The following HMGB2 variants were observed in gnomAD, a reference collection of about 807,000 sequenced individuals.
HMGB2 encodes high mobility group protein B2.
Under a neutral mutation model 23.0 loss-of-function variants are expected in HMGB2, and 2 were observed. The observed-to-expected ratio is 0.09, with a 90% CI of 0.04 to 0.27. HMGB2 has a LOEUF of 0.27. Ranked by LOEUF, HMGB2 falls within the 10% of genes least tolerant of loss-of-function variation. HMGB2 has a pLI of 1.00. For synonymous variants in HMGB2, 99 were observed against 87.5 expected, an observed-to-expected ratio of 1.13 and a Z score of -0.73; for missense variants, 178 against 256.5, an observed-to-expected ratio of 0.69 and a Z score of 2.09.
chr4:173,332,280 T>C, intron 4 of HMGB2, 42 bp from the exon 5 acceptor site: 1 of 1,463,132 alleles, frequency 6.8e-7, no homozygotes, highest in South Asian at 1.3e-5. Flanking sequence ...GTATCATTAC[T>C]CAACTGTGAA....
In HMGB2 at chr4:173,333,428, C is replaced by A. The variant is rs1049233832; in HGVS notation, c.150+72G>T. The A allele has an allele frequency of 6.5e-7, 1 of 1,542,688 alleles. No individual in the cohort carries two copies. Among genetic ancestry groups the A allele is most frequent in the Non-Finnish European group, 8.8e-7 (1 of 1,138,716 alleles). On this transcript the variant is annotated intron_variant, in intron 2 of 4. Transcript: ENST00000296503. This position sits in a 1 kb window ranked among gnomAD's most constrained non-coding sequence, Gnocchi z 4.6. ...AAAGTTGAAGCTCATGAGTTGCCTA[C>A]TACCTGCCTAAGGCCCTCCTAGCCG...
Position 173,333,850 on chromosome 4 carries a change from C to T in HMGB2, c.-20-181G>A, listed in dbSNP as rs1419383465. ...GCCCGCGCCCCCGCCCGCGCCCCGGCGCACACCCTCCTCCTCCTCCTCCTC... is the reference window on the plus strand; with the variant it reads ...GCCCGCGCCCCCGCCCGCGCCCCGGTGCACACCCTCCTCCTCCTCCTCCTC... On this transcript the variant is annotated intron_variant, in intron 1 of 4. Transcript: ENST00000296503. This position sits in a 1 kb window ranked among gnomAD's most constrained non-coding sequence, Gnocchi z 4.6. 2.6e-5 allele frequency among the ~76,000 whole-genome samples: 4 copies of T among 151,234 alleles called. No individual in the cohort carries two copies. Among genetic ancestry groups the T allele is most frequent in the African/African-American group, 9.7e-5 (4 of 41,096 alleles).
At position 173,332,991 on chromosome 4, in the gene HMGB2, C is replaced by T. The variant is rs745590156; in HGVS notation, c.301G>A (p.Ala101Thr). The T allele has an allele frequency of 6.2e-7, 1 of 1,613,960 alleles. No individual in the cohort carries two copies. The highest frequency in any genetic ancestry group is 8.5e-7 in the Non-Finnish European group (1 of 1,179,890). The change falls in exon 4 of 5, where the codon GCC (alanine) becomes ACC (threonine). Residue 101 changes from alanine (A) to threonine (T), a missense_variant. Ala to Thr is a moderately conservative substitution (Grantham distance 58). This residue lies in a region of HMGB2 where 43 missense variants were observed against 103.3 expected (regional missense o/e 0.42). Transcript: ENST00000296503. Reference protein sequence around the residue: ...DPNAPKRPPSAFFLFCSEHRP... With the variant: ...DPNAPKRPPSTFFLFCSEHRP... The stretch of plus-strand genomic sequence containing the variant: ...TGTTCAGAGCAAAACAGGAAGAAGG[C>T]AGATCTGAAAGGAAGCAACAGAGTT...
rs1478898730 is a variant in HMGB2 at position 173,333,724 on chromosome 4, G to A, written c.-20-55C>T. The A allele has an allele frequency of 2.2e-6, 3 of 1,388,810 alleles. No homozygotes were observed. Among genetic ancestry groups the A allele is most frequent in the South Asian group, 2.8e-5 (2 of 71,780 alleles). The allele number at this position is 1,388,810 out of a possible 1,614,324, so 86.0% of individuals were successfully genotyped here. On this transcript the variant is annotated intron_variant, in intron 1 of 4. Transcript: ENST00000296503. The surrounding 1 kb of genome is among the most constrained non-coding windows in gnomAD (Gnocchi z 4.6). The stretch of plus-strand genomic sequence containing the variant: ...CCGGAGGGTCGGCGCGGAGCCCGCA[G>A]CTGCCAGGGCGGGCGCTGGCGGGGC...
chr4:173,333,708 C>A lies in HMGB2; in HGVS notation c.-20-39G>T. On this transcript the variant is annotated intron_variant, in intron 1 of 4. Coordinates refer to ENST00000296503, the MANE Select transcript of HMGB2 (RefSeq NM_002129.4). This position sits in a 1 kb window ranked among gnomAD's most constrained non-coding sequence, Gnocchi z 4.6. The stretch of plus-strand genomic sequence containing the variant: ...GGGGGGAGAGGGGAAGCCGGAGGGT[C>A]GGCGCGGAGCCCGCAGCTGCCAGGG... The A allele has an allele frequency of 2.7e-6, 4 of 1,489,810 alleles. No individual in the cohort carries two copies. The highest frequency in any genetic ancestry group is 3.6e-6 in the Non-Finnish European group (4 of 1,105,508). The allele number at this position is 1,489,810 out of a possible 1,614,324, so 92.3% of individuals were successfully genotyped here. A position where few individuals can be genotyped will look rare whatever the true frequency, so the allele number is the denominator to read the frequency against.
chr4:173,333,200 C>A lies in HMGB2; in HGVS notation c.165G>T (p.Lys55Asn), dbSNP rs746152296. The stretch of plus-strand genomic sequence containing the variant: ...CCATATCTTCAAACTTCGACTTCTC[C>A]TTTGCAGACATGGTCTGTGGACATA... ...CSERWKTMSAKEKSKFEDMAK... is the reference protein window; with the variant it reads ...CSERWKTMSANEKSKFEDMAK... The change falls in exon 3 of 5, where the codon AAG (lysine) becomes AAT (asparagine). Residue 55 changes from lysine to asparagine, a missense_variant. Coordinates refer to ENST00000296503, the MANE Select transcript of HMGB2 (RefSeq NM_002129.4). The surrounding 1 kb of genome is among the most constrained non-coding windows in gnomAD (Gnocchi z 4.6). 4 of 1,613,684 alleles carry A rather than the reference C, an allele frequency of 2.5e-6. No individual in the cohort carries two copies. The African/African-American group carries it at 4.0e-5, about 16-fold the overall frequency.
chr4:173,333,781 GC>G lies in HMGB2; in HGVS notation c.-20-113del, dbSNP rs1411797920. On this transcript the variant is annotated intron_variant, in intron 1 of 4. Transcript: ENST00000296503. The surrounding 1 kb of genome is among the most constrained non-coding windows in gnomAD (Gnocchi z 4.6). ...TCCCGCCCAAATCCGCTCCCGCCCT[GC>G]CCGCGCCCCCCTCCTCCCGAGGGCG... 1 of 757,712 alleles carries G rather than the reference GC, an allele frequency of 1.3e-6. No homozygotes were observed. The highest frequency in any genetic ancestry group is 1.9e-5 in the African/African-American group (1 of 53,604). 46.9% of individuals were successfully genotyped at this position (757,712 alleles called of 1,614,324 possible). A position where few individuals can be genotyped will look rare whatever the true frequency, so the allele number is the denominator to read the frequency against.
chr4:173,332,757 G>T, intron 4 of HMGB2, 64 bp downstream of exon 4: 1 of 1,407,950 alleles, frequency 7.1e-7, no homozygotes, highest in Non-Finnish European at 9.8e-7. Context: ...AAATTTCCCA[G>T]GTTTTCTACA....
rs1553961364 is a variant in HMGB2, at chr4:173,331,393, T to TATAC, written c.*686_*687insGTAT. 7.0e-6 allele frequency among the ~76,000 whole-genome samples: 1 copy of TATAC among 142,102 alleles called. No individual in the cohort carries two copies. The highest frequency in any genetic ancestry group is 1.5e-5 in the Non-Finnish European group (1 of 66,830). The allele number at this position is 142,102 out of a possible 152,430, so 93.2% of individuals were successfully genotyped here. A position where few individuals can be genotyped will look rare whatever the true frequency, so the allele number is the denominator to read the frequency against. On this transcript the variant is annotated 3_prime_UTR_variant, in exon 5 of 5. Coordinates refer to ENST00000296503, the MANE Select transcript of HMGB2 (RefSeq NM_002129.4). ...ATATATACATATATATATATATATA[T>TATAC]ATGTATATATATATACACACACCTG...
Position 173,333,191 on chromosome 4 carries a change from C to T in HMGB2, c.174G>A (p.Ser58=). The T allele has an allele frequency of 1.2e-6, 2 of 1,613,942 alleles. No individual in the cohort carries two copies. Among genetic ancestry groups the T allele is most frequent in the East Asian group, 2.2e-5 (1 of 44,878 alleles). Reference sequence around the variant, plus strand: ...CACTTTTTGCCATATCTTCAAACTTCGACTTCTCCTTTGCAGACATGGTCT... The same window carrying T: ...CACTTTTTGCCATATCTTCAAACTTTGACTTCTCCTTTGCAGACATGGTCT... ...RWKTMSAKEK[S]KFEDMAKSDK... Residue 58 remains serine (S), a synonymous_variant, in exon 3 of 5, where the codon TCG becomes TCA. Transcript: ENST00000296503. The surrounding 1 kb of genome is among the most constrained non-coding windows in gnomAD (Gnocchi z 4.6).
At chr4:173,332,478 C>T (rs1738126942) in intron 4 of HMGB2, 2 of 517,886 alleles carry the variant, frequency 3.9e-6, no homozygotes. Flanking sequence ...TTACATCACA[C>T]ACAGTGCCAT....
chr4:173,333,341 G>A lies in HMGB2; in HGVS notation c.151-127C>T. ...ATTTTGCTTTCGAAGTCTTATATAA[G>A]TAAAAACCTAAAATCGTCTGCCTGG... On this transcript the variant is annotated intron_variant, in intron 2 of 4. Transcript: ENST00000296503. The surrounding 1 kb of genome is among the most constrained non-coding windows in gnomAD (Gnocchi z 4.6). 2 of 1,367,382 alleles carry A rather than the reference G, an allele frequency of 1.5e-6. No individual in the cohort carries two copies. Among genetic ancestry groups the A allele is most frequent in the Non-Finnish European group, 2.0e-6 (2 of 1,003,172 alleles). The allele number at this position is 1,367,382 out of a possible 1,614,324, so 84.7% of individuals were successfully genotyped here.
In HMGB2 at chr4:173,331,949, T is replaced by A; in HGVS notation, c.*131A>T. 1 of 1,288,008 alleles carries A rather than the reference T, an allele frequency of 7.8e-7. No homozygotes were observed. The highest frequency in any genetic ancestry group is 1.5e-5 in the South Asian group (1 of 66,814). The allele number at this position is 1,288,008 out of a possible 1,614,324, so 79.8% of individuals were successfully genotyped here. A position where few individuals can be genotyped will look rare whatever the true frequency, so the allele number is the denominator to read the frequency against. ...AGTATTTTCTCTACAGAGAATCTTA[T>A]CAGCTATACAAAAATCTGTACAGTT... On this transcript the variant is annotated 3_prime_UTR_variant, in exon 5 of 5. Coordinates refer to ENST00000296503, the MANE Select transcript of HMGB2 (RefSeq NM_002129.4).
rs1464044478 is a variant in HMGB2, at chr4:173,333,708, C to T, written c.-20-39G>A. On this transcript the variant is annotated intron_variant, in intron 1 of 4. Transcript: ENST00000296503. This position sits in a 1 kb window ranked among gnomAD's most constrained non-coding sequence, Gnocchi z 4.6. The stretch of plus-strand genomic sequence containing the variant: ...GGGGGGAGAGGGGAAGCCGGAGGGT[C>T]GGCGCGGAGCCCGCAGCTGCCAGGG... 1.3e-6 allele frequency: 2 copies of T among 1,489,812 alleles called. No homozygotes were observed. The highest frequency in any genetic ancestry group is 2.1e-5 in the Admixed American group (1 of 47,816). 92.3% of individuals were successfully genotyped at this position (1,489,812 alleles called of 1,614,324 possible).
At chr4:173,332,704 C>T in intron 4 of HMGB2, 117 bp downstream of exon 4, 1 of 906,830 alleles carries the variant, frequency 1.1e-6, no homozygotes. Context: ...TTTCATTAGG[C>T]CTTTTCAAAA....
intron 4 of HMGB2, 162 bp downstream of exon 4, chr4:173,332,659 G>T: frequency 1.5e-6 from 1 of 655,930 alleles, no homozygotes; most frequent in Non-Finnish European, 2.7e-6. Flanking sequence ...CAGTCAAAAG[G>T]AAGGTTTCAA....
intron 4 of HMGB2, 173 bp from the exon 5 acceptor site, chr4:173,332,411 G>A (rs766678255): frequency 2.5e-5 from 14 of 568,986 alleles, no homozygotes; most frequent in Non-Finnish European, 3.7e-5. Context: ...AGTTAATGAC[G>A]TAAAATGACA....
Position 173,333,224 on chromosome 4 carries a change from TA to T in HMGB2, c.151-11del. ...CCTTTGCAGACATGGTCTGTGGACA[TA>T]AAATAAGAGCCAAAAATACAGCAAA... On this transcript the variant is annotated splice_polypyrimidine_tract_variant and intron_variant, in intron 2 of 4. Coordinates refer to ENST00000296503, the MANE Select transcript of HMGB2 (RefSeq NM_002129.4). This position sits in a 1 kb window ranked among gnomAD's most constrained non-coding sequence, Gnocchi z 4.6. The T allele has an allele frequency of 6.2e-7, 1 of 1,605,414 alleles. No homozygotes were observed. The highest frequency in any genetic ancestry group is 1.1e-5 in the South Asian group (1 of 89,830).
chr4:173,332,491 TCC>T, intron 4 of HMGB2: 2 of 509,484 alleles, frequency 3.9e-6, no homozygotes, highest in Non-Finnish European at 6.9e-6. Flanking sequence ...AGTGCCATAG[TCC>T]CTCCTGTACC....
Sources: allele counts gnomAD v4.1 joint callset (sites outside exome capture counted in the v4.1 genomes callset), GRCh38; gene constraint gnomAD v4.1.1; regional missense constraint gnomAD v4.1.1; non-coding constraint Gnocchi (gnomAD v3.1); transcripts MANE v1.5; gene names NCBI Gene and HGNC (gene_info 2026-07-23, HGNC 2026-07-21).